TMIGD2: variants seen among roughly 807,000 people sequenced by gnomAD.
TMIGD2 encodes the protein transmembrane and immunoglobulin domain containing 2.
A neutral mutation model predicts 22.6 loss-of-function variants in TMIGD2; 18 were observed. The ratio of observed to expected loss-of-function variants is 0.80; its 90% CI spans 0.55 to 1.18. The LOEUF is 1.18. Among genes scored for constraint, TMIGD2 ranks in the 50% most tolerant of loss-of-function variants. The pLI is 0.00. For missense variants in TMIGD2, 361 were observed against 378.2 expected (o/e 0.95, Z 0.38); for synonymous variants, 184 against 154.1 (o/e 1.19, Z -1.44).
intron 2 of TMIGD2, among the ~76,000 whole-genome samples, chr19:4,295,186 A>C (rs1251792519): frequency 7.1e-6 from 1 of 141,604 alleles, no homozygotes; most frequent in African/African-American, 2.7e-5. Flanking sequence ...GCTTGAATCC[A>C]GGAGGGGGAG....
At chr19:4,302,272 TG>T (rs1334128349) in intron 1 of TMIGD2, 67 bp downstream of exon 1, 9 of 1,505,916 alleles carry the variant, frequency 6.0e-6, no homozygotes, top group African/African-American at 2.8e-5. Flanking sequence ...GGCCCTGAGC[TG>T]GGGGGCAGGC....
chr19:4,294,800 G>C (rs902506582), exon 3 of TMIGD2: 1 of 1,588,122 alleles, frequency 6.3e-7, no homozygotes, highest in Non-Finnish European at 8.6e-7. Context: ...TCCGGTTTCT[G>C]TTCTGTGTGG....
intron 1 of TMIGD2, among the ~76,000 whole-genome samples, chr19:4,299,171 G>A (rs1971502609): frequency 6.6e-6 from 1 of 151,970 alleles, no homozygotes; most frequent in Non-Finnish European, 1.5e-5. Context: ...TTGAGTTGGG[G>A]TCTGGCTCTA....
At chr19:4,298,086 C>T (rs1249513833) in exon 2 of TMIGD2, 1 of 1,613,570 alleles carries the variant, frequency 6.2e-7, no homozygotes, top group Non-Finnish European at 8.5e-7. Flanking sequence ...GGTTGAGGCT[C>T]ACAGGGTCCA....
chr19:4,297,307 G>A (rs1971473927), intron 2 of TMIGD2, among the ~76,000 whole-genome samples: 1 of 151,982 alleles, frequency 6.6e-6, no homozygotes, highest in Non-Finnish European at 1.5e-5. Context: ...GACCTCAGGT[G>A]ATCCACCCAC....
exon 2 of TMIGD2, chr19:4,298,140 C>T (rs1194690800): frequency 1.2e-6 from 2 of 1,613,464 alleles, no homozygotes; most frequent in East Asian, 2.2e-5. Context: ...AGAGCCGTCC[C>T]TGGGGCCCGC....
exon 1 of TMIGD2, chr19:4,302,351 A>G (rs2144746721): frequency 6.3e-7 from 1 of 1,575,082 alleles, no homozygotes; most frequent in Non-Finnish European, 8.6e-7. Flanking sequence ...CCAGATCTGC[A>G]CCAGGAGGCC....
chr19:4,294,306 C>T (rs959582884), intron 4 of TMIGD2, among the ~76,000 whole-genome samples: 4 of 152,166 alleles, frequency 2.6e-5, no homozygotes, highest in East Asian at 1.9e-4. Flanking sequence ...TCGCCCACCT[C>T]GGCCTCCCAA....
intron 4 of TMIGD2, among the ~76,000 whole-genome samples, chr19:4,293,539 C>T (rs1050950073): frequency 2.0e-5 from 3 of 151,500 alleles, no homozygotes; most frequent in Admixed American, 2.0e-4. Flanking sequence ...GGATTACATG[C>T]ATGAGCCACT....
intron 1 of TMIGD2, among the ~76,000 whole-genome samples, chr19:4,300,867 G>A (rs1175830618): frequency 2.0e-5 from 3 of 152,210 alleles, no homozygotes; most frequent in Admixed American, 1.3e-4. Flanking sequence ...GTGAGCCTTG[G>A]GGTGGTGTGG....
exon 5 of TMIGD2, chr19:4,292,385 A>G: frequency 3.4e-6 from 2 of 583,438 alleles, no homozygotes; most frequent in East Asian, 3.2e-5. Flanking sequence ...TCTGTCGCCC[A>G]GGCTGGAGTG....
chr19:4,294,874 G>C, intron 2 of TMIGD2, 58 bp from the exon 3 acceptor site: 1 of 1,486,570 alleles, frequency 6.7e-7, no homozygotes, highest in Non-Finnish European at 9.0e-7. Flanking sequence ...TCCAAGGACA[G>C]AGCTCACTTG....
rs71166981 is a variant in TMIGD2, at chr19:4,297,074, C to CTTTT, written c.406+908_406+911dup. ...TTCTTCCAACTTTGAGAGTCTGTGGCTTTTTTTTTTTTTTTTTTTTGAGAC... is the reference window on the plus strand; with the variant it reads ...TTCTTCCAACTTTGAGAGTCTGTGGCTTTTTTTTTTTTTTTTTTTTTTTTGAGAC... On this transcript the variant is annotated intron_variant, in intron 2 of 4. Transcript: ENST00000301272. 7.1e-4 allele frequency among the ~76,000 whole-genome samples: 75 copies of CTTTT among 105,210 alleles called. 2 individuals are homozygous for CTTTT. The highest frequency in any genetic ancestry group is 1.0e-3 in the Admixed American group (9 of 8,880). The allele number at this position is 105,210 out of a possible 152,430, so 69.0% of individuals were successfully genotyped here. A position where few individuals can be genotyped will look rare whatever the true frequency, so the allele number is the denominator to read the frequency against.
intron 2 of TMIGD2, among the ~76,000 whole-genome samples, chr19:4,295,851 G>T (rs1285000803): frequency 6.6e-6 from 1 of 152,172 alleles, no homozygotes; most frequent in African/African-American, 2.4e-5. Context: ...TCAGCTCGGA[G>T]ATCCTAACAC....
intron 2 of TMIGD2, 34 bp from the exon 3 acceptor site, chr19:4,294,850 A>G: frequency 6.5e-7 from 1 of 1,536,142 alleles, no homozygotes; most frequent in Non-Finnish European, 8.7e-7. Context: ...CGGGGGTGCC[A>G]GGCTTCTCCA....
intron 1 of TMIGD2, 39 bp from the exon 2 acceptor site, chr19:4,298,384 T>G: frequency 6.6e-7 from 1 of 1,515,028 alleles, no homozygotes. Flanking sequence ...TTTCTGACTG[T>G]GCGCATGTGA....
chr19:4,298,515 T>C (rs751544087), intron 1 of TMIGD2, among the ~76,000 whole-genome samples, 170 bp from the exon 2 acceptor site: 10 of 152,202 alleles, frequency 6.6e-5, no homozygotes, highest in Non-Finnish European at 1.2e-4. Flanking sequence ...GGTGGGAGGA[T>C]TGCTTGAGCC....
intron 4 of TMIGD2, among the ~76,000 whole-genome samples, chr19:4,293,544 G>T (rs1411687819): frequency 6.6e-6 from 1 of 150,854 alleles, no homozygotes; most frequent in Non-Finnish European, 1.5e-5. Context: ...ACATGCATGA[G>T]CCACTGCACC....
chr19:4,296,670 G>GTAACACAGCCA (rs1378114177), intron 2 of TMIGD2, among the ~76,000 whole-genome samples: 1 of 151,870 alleles, frequency 6.6e-6, no homozygotes, highest in Non-Finnish European at 1.5e-5. Context: ...GAAGAGGTGG[G>GTAACACAGCCA]TAACACAGCC....
Sources: gnomAD v4.1 joint callset for allele counts (sites outside exome capture counted in the v4.1 genomes callset) on GRCh38, gnomAD v4.1.1 for gene constraint, MANE v1.5 for transcripts, NCBI Gene and HGNC (gene_info 2026-07-23, HGNC 2026-07-21) for gene names.